WWOX: variants seen among roughly 807,000 people sequenced by gnomAD.
WWOX encodes WW domain containing oxidoreductase.
Under a neutral mutation model 46.2 loss-of-function variants are expected in WWOX, and 69 were observed. The ratio of observed to expected loss-of-function variants is 1.49; its 90% CI spans 1.23 to 1.82. The LOEUF is 1.82. Ranked by LOEUF, WWOX falls within the 40% of genes most tolerant of loss-of-function variation. The pLI is 0.00. For synonymous variants in WWOX, 359 were observed against 202.6 expected (o/e 1.77, Z -6.56); for missense variants, 919 against 542.6 (o/e 1.69, Z -6.89).
At chr16:78,399,378 T>A (rs1258504624) in intron 6 of WWOX, among the ~76,000 whole-genome samples, 1 of 152,180 alleles carries the variant, frequency 6.6e-6, no homozygotes, top group Non-Finnish European at 1.5e-5. Context: ...GTTACAACAA[T>A]AGTTATTTTA....
chr16:78,907,655 C>T (rs146271333), intron 8 of WWOX, among the ~76,000 whole-genome samples: 3 of 152,204 alleles, frequency 2.0e-5, no homozygotes, highest in Admixed American at 6.5e-5. Context: ...CTTACTCTTA[C>T]AATTTTTGCA....
intron 8 of WWOX, among the ~76,000 whole-genome samples, chr16:78,659,589 T>C (rs2047165707): frequency 6.6e-6 from 1 of 152,188 alleles, no homozygotes. Flanking sequence ...ATCAAATGTT[T>C]CCAAAGTGCA....
intron 5 of WWOX, among the ~76,000 whole-genome samples, chr16:78,363,352 C>A (rs2081454711): frequency 6.6e-6 from 1 of 151,916 alleles, no homozygotes; most frequent in Non-Finnish European, 1.5e-5. Context: ...CAGCCCACTC[C>A]AGCCCCAAAC....
At chr16:78,167,597 C>T (rs574184549) in intron 5 of WWOX, 1 of 152,096 alleles carries the variant, frequency 6.6e-6, no homozygotes, top group Non-Finnish European at 1.5e-5. Context: ...AGAAACTCAA[C>T]CTGTTCATCA....
At chr16:78,535,050 G>C (rs902108210) in intron 8 of WWOX, 1 of 152,144 alleles carries the variant, frequency 6.6e-6, no homozygotes, top group African/African-American at 2.4e-5. Context: ...TGATATCCCC[G>C]AGCACCCAAG....
chr16:79,062,639 G>C (rs188733971), intron 8 of WWOX, among the ~76,000 whole-genome samples: 1,970 of 151,978 alleles, frequency 0.013, 39 homozygotes, highest in African/African-American at 0.045. Context: ...AAAAAAAAAA[G>C]GCTTTTCTGC....
intron 8 of WWOX, among the ~76,000 whole-genome samples, chr16:78,546,152 A>C (rs911932872): frequency 6.6e-6 from 1 of 152,202 alleles, no homozygotes; most frequent in Non-Finnish European, 1.5e-5. Context: ...ATAATTAATC[A>C]CAAAAAGCTA....
intron 8 of WWOX, among the ~76,000 whole-genome samples, chr16:79,062,550 C>G (rs2048374471): frequency 1.3e-5 from 2 of 152,044 alleles, no homozygotes; most frequent in African/African-American, 2.4e-5. Flanking sequence ...TCACCAAGCA[C>G]TTAGGAATAA....
chr16:78,386,331 T>G (rs538006281), intron 5 of WWOX, among the ~76,000 whole-genome samples: 33 of 152,316 alleles, frequency 2.2e-4, no homozygotes, highest in African/African-American at 7.0e-4. Context: ...GCCAGGGTGT[T>G]GCCTTTGGGA....
At chr16:79,193,642 C>G (rs893040170) in intron 8 of WWOX, among the ~76,000 whole-genome samples, 4 of 152,180 alleles carry the variant, frequency 2.6e-5, no homozygotes, top group African/African-American at 7.2e-5. Flanking sequence ...TTGACCCTCG[C>G]ACATCTTTTC....
intron 8 of WWOX, among the ~76,000 whole-genome samples, chr16:78,894,450 C>T (rs971741061): frequency 1.3e-5 from 2 of 151,996 alleles, no homozygotes; most frequent in Non-Finnish European, 2.9e-5. Context: ...TATTTTTTGT[C>T]TAAATTATTG....
At chr16:78,602,275 C>A (rs1246695101) in intron 8 of WWOX, among the ~76,000 whole-genome samples, 2 of 152,200 alleles carry the variant, frequency 1.3e-5, no homozygotes, top group African/African-American at 4.8e-5. Context: ...ATCTGACAGC[C>A]AGACTGGAGT....
chr16:78,905,758 AGTATCC>A (rs1278578015), intron 8 of WWOX, among the ~76,000 whole-genome samples: 1 of 152,198 alleles, frequency 6.6e-6, no homozygotes, highest in Non-Finnish European at 1.5e-5. Flanking sequence ...TGAGCAGAAT[AGTATCC>A]TATTTATACA....
intron 8 of WWOX, among the ~76,000 whole-genome samples, chr16:78,822,615 C>G (rs2051533955): frequency 6.6e-6 from 1 of 152,126 alleles, no homozygotes; most frequent in African/African-American, 2.4e-5. Context: ...TTCACTAGAA[C>G]CCAGTGGTCA....
At chr16:78,422,663 G>GTATGTATATATATATATATATATA (rs1555536293) in intron 6 of WWOX, among the ~76,000 whole-genome samples, 8 of 24,410 alleles carry the variant, frequency 3.3e-4, no homozygotes, top group Non-Finnish European at 6.5e-4. Context: ...TTTTTTACAT[G>GTATGTATATATATATATATATATA]TATATATATA....
chr16:78,440,202 T>C (rs1274720879), intron 8 of WWOX, among the ~76,000 whole-genome samples: 1 of 152,202 alleles, frequency 6.6e-6, no homozygotes, highest in Non-Finnish European at 1.5e-5. Flanking sequence ...GGAAATGCTA[T>C]CGATTTTATA....
At chr16:78,289,019 C>T (rs1177588325) in intron 5 of WWOX, among the ~76,000 whole-genome samples, 1 of 152,150 alleles carries the variant, frequency 6.6e-6, no homozygotes, top group Non-Finnish European at 1.5e-5. Flanking sequence ...CTCACAAATT[C>T]TCGGTTAACA....
chr16:78,945,687 G>A (rs556890789), intron 8 of WWOX, among the ~76,000 whole-genome samples: 2 of 151,600 alleles, frequency 1.3e-5, no homozygotes, highest in East Asian at 1.9e-4. Context: ...GACTTTCCTT[G>A]TATGCCCCCC....
chr16:78,534,755 G>T (rs574250490), intron 8 of WWOX, among the ~76,000 whole-genome samples: 1 of 151,454 alleles, frequency 6.6e-6, no homozygotes, highest in Non-Finnish European at 1.5e-5. Flanking sequence ...CTGTCTCCAG[G>T]CTGGAGTGCA....
Sources: allele counts gnomAD v4.1 joint callset (sites outside exome capture counted in the v4.1 genomes callset), GRCh38; gene constraint gnomAD v4.1.1; transcripts MANE v1.5; gene names NCBI Gene and HGNC (gene_info 2026-07-23, HGNC 2026-07-21).